ROR1: variants seen among roughly 807,000 people sequenced by gnomAD.
ROR1 encodes inactive tyrosine-protein kinase transmembrane receptor ROR1.
In ROR1, 19 loss-of-function variants were observed where a neutral mutation model predicts 78.8. The ratio of observed to expected loss-of-function variants is 0.24; its 90% confidence interval spans 0.17 to 0.35. ROR1 has a LOEUF of 0.35. Ranked by LOEUF, ROR1 falls within the 10% of genes least tolerant of loss-of-function variation. The pLI, the probability that ROR1 is intolerant of heterozygous loss-of-function variation, is 1.00. For synonymous variants in ROR1, 386 were observed against 433.6 expected (o/e 0.89, Z 1.36); for missense variants, 917 against 1,177.8 (o/e 0.78, Z 3.24).
chr1:63,963,589 A>C (rs1646050286), intron 1 of ROR1, among the ~76,000 whole-genome samples: 1 of 151,182 alleles, frequency 6.6e-6, no homozygotes, highest in African/African-American at 2.5e-5. Context: ...AACAAAACAA[A>C]AAAAAAAACA....
At position 64,178,845 on chromosome 1, in the gene ROR1, C is replaced by T. The variant is rs374252401; in HGVS notation, c.2804C>T (p.Ala935Val). Reference protein sequence around the residue: ...IHGHTESMISAEL With the variant: ...IHGHTESMISVEL ...GGACACACCGAATCTATGATTTCTG[C>T]AGAACTGTAAAATGCACAACTTTTG... The change falls in exon 9 of 9, where the codon GCA (alanine) becomes GTA (valine). Residue 935 changes from alanine (A) to valine (V), a missense_variant. Physicochemically the swap from Ala to Val is moderately conservative, Grantham distance 64. Around this residue, in one of 3 missense-constraint regions of ROR1, gnomAD observed 835 missense variants for 1,069.8 expected, o/e 0.78. Transcript: ENST00000371079. This position sits in a 1 kb window ranked among gnomAD's most constrained non-coding sequence, Gnocchi z 4.3. The T allele has an allele frequency of 1.5e-5, 24 of 1,611,214 alleles. No individual in the cohort carries two copies. The African/African-American group carries it at 3.2e-4, about 22-fold the overall frequency.
intron 1 of ROR1, among the ~76,000 whole-genome samples, chr1:63,939,942 A>G (rs1310104900): frequency 6.6e-6 from 1 of 152,114 alleles, no homozygotes; most frequent in Non-Finnish European, 1.5e-5. Context: ...GGGTTTCTAC[A>G]CTCATTTTCT....
In ROR1 at chr1:63,904,081, G is replaced by A. The variant is rs951607000; in HGVS notation, c.92-105224G>A. Among the ~76,000 whole-genome samples the A allele has an allele frequency of 3.3e-5, 5 of 152,270 alleles. No homozygotes were observed. In the East Asian group the frequency reaches 5.8e-4, roughly 18 times the overall value. On this transcript the variant is annotated intron_variant, in intron 1 of 8. Coordinates refer to ENST00000371079, the MANE Select transcript of ROR1 (RefSeq NM_005012.4). ...AACAGTCAGGGAATGGTAGGGAAGC[G>A]GGGCCAGGTCAGGGGCATCAGTTCA...
intron 2 of ROR1, among the ~76,000 whole-genome samples, chr1:64,017,262 C>T (rs546748603): frequency 3.3e-5 from 5 of 152,188 alleles, no homozygotes; most frequent in Admixed American, 6.5e-5. Flanking sequence ...GAGCTTCTTG[C>T]CTGCTGTATA....
intron 4 of ROR1, among the ~76,000 whole-genome samples, chr1:64,101,084 G>A (rs1393776868): frequency 6.6e-6 from 1 of 152,128 alleles, no homozygotes; most frequent in African/African-American, 2.4e-5. Context: ...AAATCATGAG[G>A]GTATTTTACA....
At chr1:64,000,993 G>T (rs1646378232) in intron 1 of ROR1, among the ~76,000 whole-genome samples, 1 of 152,092 alleles carries the variant, frequency 6.6e-6, no homozygotes, top group Non-Finnish European at 1.5e-5. Flanking sequence ...CCTTCTAAAT[G>T]CAGTTTCCTT....
chr1:64,044,394 A>T (rs1646768117), intron 2 of ROR1, among the ~76,000 whole-genome samples: 1 of 152,142 alleles, frequency 6.6e-6, no homozygotes, highest in African/African-American at 2.4e-5. Flanking sequence ...TGGTGGGTGA[A>T]ACTGCTCAAA....
intron 1 of ROR1, among the ~76,000 whole-genome samples, chr1:63,812,206 C>T (rs561713320): frequency 2.1e-4 from 32 of 152,232 alleles, no homozygotes; most frequent in Admixed American, 5.2e-4. Context: ...GTGATCTGTC[C>T]GCCTCAGCTT....
chr1:64,128,903 C>A (rs1318097121), intron 4 of ROR1, among the ~76,000 whole-genome samples: 1 of 152,116 alleles, frequency 6.6e-6, no homozygotes, highest in South Asian at 2.1e-4. Flanking sequence ...CTTAGCATGA[C>A]AAGGGAAGCC....
intron 8 of ROR1, among the ~76,000 whole-genome samples, chr1:64,162,987 G>A (rs955005309): frequency 6.6e-6 from 1 of 152,122 alleles, no homozygotes; most frequent in Admixed American, 6.6e-5. Flanking sequence ...GTGGGAGCAG[G>A]GAGGGGGCAG....
intron 4 of ROR1, among the ~76,000 whole-genome samples, chr1:64,069,825 T>C (rs1169055988): frequency 1.3e-5 from 2 of 152,146 alleles, no homozygotes; most frequent in Non-Finnish European, 2.9e-5. Context: ...TTTTTATTAT[T>C]ATTATTGTGG....
At position 64,097,498 on chromosome 1, in the gene ROR1, G is replaced by A. The variant is rs377314788; in HGVS notation, c.483-39871G>A. ...GATTAGGACATTCACATTTTTAGGG[G>A]CCTTTATTCTGTTTATCACAGACAA... On this transcript the variant is annotated intron_variant, in intron 4 of 8. Transcript: ENST00000371079. Among the ~76,000 whole-genome samples the A allele has an allele frequency of 8.6e-5, 13 of 151,802 alleles. 1 individual carries two copies. The highest frequency in any genetic ancestry group is 7.3e-5 in the African/African-American group (3 of 41,378).
chr1:64,174,923 A>G (rs1208191731), intron 8 of ROR1, among the ~76,000 whole-genome samples: 1 of 152,030 alleles, frequency 6.6e-6, no homozygotes, highest in Non-Finnish European at 1.5e-5. Context: ...CAGACCCTAA[A>G]AGCAAAAGGA....
chr1:63,974,792 A>G (rs1261175998), intron 1 of ROR1, among the ~76,000 whole-genome samples: 1 of 152,104 alleles, frequency 6.6e-6, no homozygotes, highest in Non-Finnish European at 1.5e-5. Context: ...GGTGCACACC[A>G]TCACCACCGG....
chr1:64,089,906 G>A (rs995278250), intron 4 of ROR1, among the ~76,000 whole-genome samples: 17 of 152,028 alleles, frequency 1.1e-4, no homozygotes, highest in African/African-American at 2.4e-4. Context: ...TACTGTTCTC[G>A]TCATAATGAA....
chr1:63,905,238 C>A (rs1191568238), intron 1 of ROR1, among the ~76,000 whole-genome samples: 1 of 152,130 alleles, frequency 6.6e-6, no homozygotes, highest in African/African-American at 2.4e-5. Flanking sequence ...GAAGCCATTT[C>A]CATCTCCTCA....
chr1:64,099,236 A>G (rs1335484095), intron 4 of ROR1, among the ~76,000 whole-genome samples: 1 of 152,182 alleles, frequency 6.6e-6, no homozygotes, highest in Admixed American at 6.5e-5. Flanking sequence ...CACATCAGGG[A>G]TCAGGCAATT....
intron 1 of ROR1, among the ~76,000 whole-genome samples, chr1:63,901,979 G>A (rs1326844341): frequency 6.6e-6 from 1 of 152,208 alleles, no homozygotes; most frequent in South Asian, 2.1e-4. Context: ...ATACAGTATA[G>A]TGGAGAAAGG....
intron 8 of ROR1, among the ~76,000 whole-genome samples, chr1:64,169,248 ACTG>A (rs1557682570): frequency 1.3e-5 from 2 of 152,200 alleles, no homozygotes; most frequent in African/African-American, 2.4e-5. Context: ...CTGTTTGAAC[ACTG>A]CTGATAAAGA....
Sources: allele counts gnomAD v4.1 joint callset (sites outside exome capture counted in the v4.1 genomes callset), GRCh38; gene constraint gnomAD v4.1.1; regional missense constraint gnomAD v4.1.1; non-coding constraint Gnocchi (gnomAD v3.1); transcripts MANE v1.5; gene names NCBI Gene and HGNC (gene_info 2026-07-23, HGNC 2026-07-21).